Variants in HSPG2 observed in about 807,000 individuals in gnomAD.
HSPG2 encodes the protein heparan sulfate proteoglycan 2, also known as basement membrane-specific heparan sulfate proteoglycan core protein.
Under a neutral mutation model 526.6 loss-of-function variants are expected in HSPG2, and 278 were observed. The observed-to-expected ratio is 0.53, with a 90% CI of 0.48 to 0.58. HSPG2 has a LOEUF of 0.58. Ranked by LOEUF, HSPG2 falls within the 20% of genes least tolerant of loss-of-function variation. HSPG2 has a pLI of 0.00. For synonymous variants in HSPG2, 2,465 were observed against 2,555.4 expected (o/e 0.96, Z 1.07); for missense variants, 5,354 against 6,099.5 (o/e 0.88, Z 4.07).
intron 1 of HSPG2, among the ~76,000 whole-genome samples, chr1:21,909,089 CAG>C (rs1313393954): frequency 2.6e-5 from 4 of 152,174 alleles, no homozygotes; most frequent in African/African-American, 7.2e-5. Flanking sequence ...GCCTGGGCGA[CAG>C]AGTGAGACTC....
In HSPG2 at chr1:21,885,393, G is replaced by A. The variant is rs1056308430; in HGVS notation, c.1137C>T (p.Asn379=). 2.5e-6 allele frequency: 4 copies of A among 1,614,012 alleles called. No individual in the cohort carries two copies. The highest frequency in any genetic ancestry group is 3.3e-5 in the Admixed American group (2 of 60,000). The part of the protein sequence containing the change: ...GPTQFRCVST[N]MCIPASFHCD... The stretch of plus-strand genomic sequence containing the variant: ...AGTGGAAGCTGGCTGGGATGCACAT[G>A]TTGGTAGAGACGCATCGGAACTGTG... The change falls in exon 10 of 97, where the codon AAC becomes AAT. Residue 379 remains asparagine (N), a synonymous_variant. Coordinates refer to ENST00000374695, the MANE Select transcript of HSPG2 (RefSeq NM_005529.7).
intron 74 of HSPG2, 99 bp from the exon 75 acceptor site, chr1:21,837,105 A>G (rs995876482): frequency 2.7e-6 from 3 of 1,102,732 alleles, no homozygotes; most frequent in African/African-American, 3.1e-5. Flanking sequence ...CATTCAAGGA[A>G]TGTTCTCCTG....
At chr1:21,849,761 C>T (rs1356797526) in intron 57 of HSPG2, among the ~76,000 whole-genome samples, 1 of 151,984 alleles carries the variant, frequency 6.6e-6, no homozygotes, top group East Asian at 1.9e-4. Context: ...CTCACTGCAA[C>T]CTCCGCCTCC....
chr1:21,846,404 C>G, intron 63 of HSPG2, 44 bp downstream of exon 63: 3 of 1,612,386 alleles, frequency 1.9e-6, no homozygotes, highest in Non-Finnish European at 1.7e-6. Context: ...AGCCAGGGCC[C>G]CCACATCCAG....
intron 74 of HSPG2, among the ~76,000 whole-genome samples, chr1:21,837,350 A>G (rs2098030623): frequency 6.6e-6 from 1 of 152,040 alleles, no homozygotes; most frequent in Non-Finnish European, 1.5e-5. Context: ...GCACGATCTC[A>G]GCTCACTGCA....
chr1:21,825,176 T>C (rs1488522347), intron 91 of HSPG2: 1 of 291,972 alleles, frequency 3.4e-6, no homozygotes, highest in East Asian at 8.2e-5. Flanking sequence ...ATCTTGTTAT[T>C]TGATGTGTTA....
chr1:21,878,962 CA>C, intron 18 of HSPG2, 31 bp downstream of exon 18: 1 of 1,607,898 alleles, frequency 6.2e-7, no homozygotes, highest in Non-Finnish European at 8.5e-7. Flanking sequence ...TGTCCCCAGC[CA>C]AACCCCCCCT....
chr1:21,887,082 A>T lies in HSPG2; in HGVS notation c.1078+133T>A. ...CCGCACTCAGCCAGGGAGAGCAAACAAACAGGCTTGGGGGACTGGGGAGGG... is the reference window on the plus strand; with the variant it reads ...CCGCACTCAGCCAGGGAGAGCAAACTAACAGGCTTGGGGGACTGGGGAGGG... On this transcript the variant is annotated intron_variant, in intron 9 of 96. Transcript: ENST00000374695. This position sits in a 1 kb window ranked among gnomAD's most constrained non-coding sequence, Gnocchi z 5.0. 9.9e-7 allele frequency: 1 copy of T among 1,012,328 alleles called. No homozygotes were observed. Among genetic ancestry groups the T allele is most frequent in the Non-Finnish European group, 1.5e-6 (1 of 686,486 alleles). 62.7% of individuals were successfully genotyped at this position (1,012,328 alleles called of 1,614,324 possible).
chr1:21,925,442 G>A (rs1159650408), intron 1 of HSPG2, among the ~76,000 whole-genome samples: 1 of 152,186 alleles, frequency 6.6e-6, no homozygotes, highest in Non-Finnish European at 1.5e-5. Context: ...GCTCAGAGCA[G>A]GCCCCGCTCA....
intron 1 of HSPG2, among the ~76,000 whole-genome samples, chr1:21,896,850 G>T (rs970946832): frequency 6.6e-6 from 1 of 152,200 alleles, no homozygotes; most frequent in Non-Finnish European, 1.5e-5. Context: ...CCCGTCTCCA[G>T]GCTGCAGGGA....
Position 21,829,370 on chromosome 1 carries a change from G to A in HSPG2, c.11992+13C>T. On this transcript the variant is annotated intron_variant, in intron 87 of 96. Transcript: ENST00000374695. ...TGGTGTGCAGAGCCCCGCATTTGGTGCTGGGTGCTTACCTGACCCCAACTC... is the reference window on the plus strand; with the variant it reads ...TGGTGTGCAGAGCCCCGCATTTGGTACTGGGTGCTTACCTGACCCCAACTC... 1 of 1,611,760 alleles carries A rather than the reference G, an allele frequency of 6.2e-7. No individual in the cohort carries two copies. Among genetic ancestry groups the A allele is most frequent in the South Asian group, 1.1e-5 (1 of 91,050 alleles).
intron 1 of HSPG2, among the ~76,000 whole-genome samples, chr1:21,916,504 TA>T (rs926299083): frequency 1.3e-5 from 2 of 150,744 alleles, no homozygotes; most frequent in African/African-American, 4.9e-5. Context: ...GACTCTGTCT[TA>T]AAAAAAATAA....
Position 21,855,564 on chromosome 1 carries a change from C to A in HSPG2, c.5813G>T (p.Ser1938Ile). The A allele has an allele frequency of 6.2e-7, 1 of 1,600,744 alleles. No individual in the cohort carries two copies. The change falls in exon 46 of 97, where the codon AGC becomes ATC. Residue 1938 changes from serine to isoleucine, a missense_variant. Coordinates refer to ENST00000374695, the MANE Select transcript of HSPG2 (RefSeq NM_005529.7). ...QAQYLCRAHS[S>I]AGQQVARAVL... is the part of the protein sequence containing the mutation. ...AGCCCTGGCCACCTGCTGCCCAGCG[C>A]TGCTGTGGGCTCGGCACAAGTACTG...
chr1:21,896,441 T>C, intron 1 of HSPG2, 131 bp from the exon 2 acceptor site: 2 of 1,126,356 alleles, frequency 1.8e-6, no homozygotes, highest in South Asian at 2.5e-5. Flanking sequence ...TGACTTAGTA[T>C]GGCTCAGTGA....
chr1:21,843,361 G>A lies in HSPG2; in HGVS notation c.8694C>T (p.Ser2898=), dbSNP rs2152707582. The change falls in exon 66 of 97, where the codon AGC becomes AGT. Residue 2898 remains serine (S), a synonymous_variant. Transcript: ENST00000374695. ...GGACAGATGCCTCCAGGGTGCCTGAGCTTCCGGTCACTTGGCACGAGTACT... is the reference window on the plus strand; with the variant it reads ...GGACAGATGCCTCCAGGGTGCCTGAACTTCCGGTCACTTGGCACGAGTACT... ...SGEYSCQVTG[S]SGTLEASVLV... is the part of the protein sequence containing the mutation. 2 of 1,614,140 alleles carry A rather than the reference G, an allele frequency of 1.2e-6. No individual in the cohort carries two copies. The highest frequency in any genetic ancestry group is 4.5e-5 in the East Asian group (2 of 44,870).
chr1:21,829,086 A>T lies in HSPG2; in HGVS notation c.11993-7T>A. Reference sequence around the variant, plus strand: ...CTCCGCAGAACGGCCAGCCCTGGGGAGGATGCCAGGCAGGGTTGGGCACAT... The same window carrying T: ...CTCCGCAGAACGGCCAGCCCTGGGGTGGATGCCAGGCAGGGTTGGGCACAT... On this transcript the variant is annotated splice_polypyrimidine_tract_variant and splice_region_variant and intron_variant, in intron 87 of 96. Transcript: ENST00000374695. The T allele has an allele frequency of 6.5e-7, 1 of 1,534,770 alleles. No homozygotes were observed. The highest frequency in any genetic ancestry group is 1.2e-5 in the South Asian group (1 of 83,828).
chr1:21,891,608 A>G (rs965895427), intron 3 of HSPG2, among the ~76,000 whole-genome samples: 1 of 149,010 alleles, frequency 6.7e-6, no homozygotes, highest in African/African-American at 2.5e-5. Context: ...ATACACATGC[A>G]TCTGTTGTTT....
chr1:21,857,497 A>G (rs1639434238), intron 42 of HSPG2, 112 bp from the exon 43 acceptor site: 3 of 972,432 alleles, frequency 3.1e-6, no homozygotes, highest in Non-Finnish European at 4.8e-6. Context: ...GGTCCAGCCT[A>G]GCTCTCATTC....
chr1:21,865,441 G>A lies in HSPG2; in HGVS notation c.4315-76C>T. On this transcript the variant is annotated intron_variant, in intron 34 of 96. Transcript: ENST00000374695. The surrounding 1 kb of genome is among the most constrained non-coding windows in gnomAD (Gnocchi z 5.4). Reference sequence around the variant, plus strand: ...GCCAGGGTGTCCTCCACCAGTCCTAGATTCTCTGTAACCCCCAGCCTCCCA... The same window carrying A: ...GCCAGGGTGTCCTCCACCAGTCCTAAATTCTCTGTAACCCCCAGCCTCCCA... The A allele has an allele frequency of 7.2e-7, 1 of 1,382,390 alleles. No homozygotes were observed. Among genetic ancestry groups the A allele is most frequent in the Non-Finnish European group, 1.0e-6 (1 of 971,428 alleles). 85.6% of individuals were successfully genotyped at this position (1,382,390 alleles called of 1,614,324 possible).
Sources: allele counts gnomAD v4.1 joint callset (sites outside exome capture counted in the v4.1 genomes callset), GRCh38; gene constraint gnomAD v4.1.1; non-coding constraint Gnocchi (gnomAD v3.1); transcripts MANE v1.5; gene names NCBI Gene and HGNC (gene_info 2026-07-23, HGNC 2026-07-21).